ZNF609: variants seen among roughly 807,000 people sequenced by gnomAD.
ZNF609 encodes zinc finger protein 609.
Under a neutral mutation model 109.5 loss-of-function variants are expected in ZNF609, and 11 were observed. The observed-to-expected ratio is 0.10, with a 90% CI of 0.06 to 0.17. The LOEUF (loss-of-function observed/expected upper bound fraction) is 0.17. Ranked by LOEUF, ZNF609 falls within the 10% of genes least tolerant of loss-of-function variation. ZNF609 has a pLI of 1.00. For missense variants in ZNF609, 1,559 were observed against 1,772.4 expected, an observed-to-expected ratio of 0.88 and a Z score of 2.16; for synonymous variants, 646 against 662.0, an observed-to-expected ratio of 0.98 and a Z score of 0.37.
At chr15:64,487,007 T>C (rs1353450551) in intron 1 of ZNF609, among the ~76,000 whole-genome samples, 1 of 152,244 alleles carries the variant, frequency 6.6e-6, no homozygotes, top group Non-Finnish European at 1.5e-5. Context: ...TCGATATTCA[T>C]TATTTATTGT....
At chr15:64,494,113 T>C (rs1303996190) in intron 1 of ZNF609, among the ~76,000 whole-genome samples, 1 of 152,186 alleles carries the variant, frequency 6.6e-6, no homozygotes, top group Non-Finnish European at 1.5e-5. Context: ...AATAGGAATA[T>C]AGGGACTTCC....
intron 2 of ZNF609, among the ~76,000 whole-genome samples, chr15:64,547,745 A>G (rs1051267821): frequency 3.3e-5 from 5 of 152,168 alleles, no homozygotes; most frequent in African/African-American, 1.2e-4. Flanking sequence ...ACAAAACAGT[A>G]AAACAAATAA....
At chr15:64,592,347 C>T (rs1319801055) in intron 2 of ZNF609, among the ~76,000 whole-genome samples, 1 of 152,112 alleles carries the variant, frequency 6.6e-6, no homozygotes, top group Admixed American at 6.5e-5. Flanking sequence ...GAGGCCAAGG[C>T]AGTTGGATCA....
At chr15:64,534,575 A>C (rs751594446) in intron 2 of ZNF609, among the ~76,000 whole-genome samples, 1 of 150,944 alleles carries the variant, frequency 6.6e-6, no homozygotes, top group African/African-American at 2.4e-5. Flanking sequence ...TTGGCCTCCC[A>C]AAGTGCTGGG....
intron 2 of ZNF609, among the ~76,000 whole-genome samples, chr15:64,557,623 G>T (rs1264930692): frequency 6.6e-6 from 1 of 152,156 alleles, no homozygotes; most frequent in Admixed American, 6.5e-5. Context: ...AAGACTTTTT[G>T]ATCAGGGTAG....
chr15:64,550,621 C>T (rs996842311), intron 2 of ZNF609, among the ~76,000 whole-genome samples: 1 of 151,754 alleles, frequency 6.6e-6, no homozygotes, highest in South Asian at 2.1e-4. Context: ...CCAAGGTGGG[C>T]GGATCACCTG....
intron 3 of ZNF609, among the ~76,000 whole-genome samples, chr15:64,653,235 G>C (rs543950460): frequency 6.6e-6 from 1 of 152,286 alleles, no homozygotes; most frequent in African/African-American, 2.4e-5. Context: ...GACAGATTAG[G>C]ATATTCATTA....
At chr15:64,491,988 T>C (rs1191125783) in intron 1 of ZNF609, among the ~76,000 whole-genome samples, 2 of 152,166 alleles carry the variant, frequency 1.3e-5, no homozygotes, top group Admixed American at 1.3e-4. Context: ...ATGCCTGTAA[T>C]CCTAGCACTT....
chr15:64,488,681 G>C (rs563450967), intron 1 of ZNF609, among the ~76,000 whole-genome samples: 1 of 152,072 alleles, frequency 6.6e-6, no homozygotes, highest in African/African-American at 2.4e-5. Flanking sequence ...AATAGATCTG[G>C]GAAGGGAGAG....
In ZNF609 at chr15:64,543,543, A is replaced by G. The variant is rs114330488; in HGVS notation, c.747+43377A>G. 3.1e-3 allele frequency among the ~76,000 whole-genome samples: 477 copies of G among 151,472 alleles called. 1 individual carries two copies. The highest frequency in any genetic ancestry group is 0.011 in the African/African-American group (457 of 41,318). On this transcript the variant is annotated intron_variant, in intron 2 of 9. Coordinates refer to ENST00000326648, the MANE Select transcript of ZNF609 (RefSeq NM_015042.2). The stretch of plus-strand genomic sequence containing the variant: ...ACTGCAACCTCCACCTCTGGGTTCA[A>G]ACGTTTCTCCTGCTTCAGCCTCCTG...
At chr15:64,500,191 C>T (rs1357133167) in intron 2 of ZNF609, 25 bp downstream of exon 2, 2 of 1,608,024 alleles carry the variant, frequency 1.2e-6, no homozygotes, top group Admixed American at 1.7e-5. Flanking sequence ...GATATGGCTG[C>T]CCACTGACTG....
intron 2 of ZNF609, among the ~76,000 whole-genome samples, chr15:64,617,173 G>T (rs1308570247): frequency 2.0e-5 from 3 of 151,820 alleles, no homozygotes; most frequent in Non-Finnish European, 4.4e-5. Context: ...GGGAGACTTT[G>T]TCTCTACAAA....
chr15:64,585,241 C>T (rs1394775072), intron 2 of ZNF609, among the ~76,000 whole-genome samples: 3 of 152,032 alleles, frequency 2.0e-5, no homozygotes, highest in Non-Finnish European at 4.4e-5. Context: ...ACAAGAATCA[C>T]TTGAACCTGA....
At chr15:64,616,837 T>TTTTTTTTC (rs1895806740) in intron 2 of ZNF609, among the ~76,000 whole-genome samples, 1 of 127,812 alleles carries the variant, frequency 7.8e-6, no homozygotes, top group African/African-American at 3.1e-5. Flanking sequence ...TTTTTTTTTT[T>TTTTTTTTC]GCACTCTGTC....
intron 3 of ZNF609, among the ~76,000 whole-genome samples, chr15:64,644,872 T>A (rs936315883): frequency 6.6e-6 from 1 of 152,246 alleles, no homozygotes; most frequent in Non-Finnish European, 1.5e-5. Context: ...AAACAGACTT[T>A]GTTAGCTACC....
At chr15:64,605,187 C>T (rs949173107) in intron 2 of ZNF609, among the ~76,000 whole-genome samples, 29 of 152,104 alleles carry the variant, frequency 1.9e-4, no homozygotes, top group Admixed American at 1.3e-4. Context: ...AATGGCCTCT[C>T]GCAGCTTCAG....
At chr15:64,636,170 A>G (rs886659088) in intron 3 of ZNF609, among the ~76,000 whole-genome samples, 1 of 152,168 alleles carries the variant, frequency 6.6e-6, no homozygotes, top group Non-Finnish European at 1.5e-5. Context: ...TCAAAGGGGT[A>G]GGGGTTAGGA....
Position 64,619,080 on chromosome 15 carries a change from C to T in ZNF609, c.748-3747C>T, listed in dbSNP as rs577889727. ...GACCACGTTCTCTACCCAGCACACC[C>T]GTGTCACTCCTACCTCAGCGTCCCA... On this transcript the variant is annotated intron_variant, in intron 2 of 9. Transcript: ENST00000326648. Among the ~76,000 whole-genome samples, 7 of 152,308 alleles carry T rather than the reference C, an allele frequency of 4.6e-5. No homozygotes were observed. In the South Asian group the frequency reaches 6.2e-4, roughly 14 times the overall value.
chr15:64,543,255 C>CT lies in ZNF609; in HGVS notation c.747+43108dup, dbSNP rs77646116. 8.4e-3 allele frequency among the ~76,000 whole-genome samples: 956 copies of CT among 113,268 alleles called. 12 individuals are homozygous for CT. The highest frequency in any genetic ancestry group is 0.018 in the East Asian group (72 of 4,082). 74.3% of individuals were successfully genotyped at this position (113,268 alleles called of 152,430 possible). A position where few individuals can be genotyped will look rare whatever the true frequency, so the allele number is the denominator to read the frequency against. ...CATCCCAGTCTGTTTTTTGTTGTTGCTTTTTTTTTTTTTTTTTTTCTAATT... is the reference window on the plus strand; with the variant it reads ...CATCCCAGTCTGTTTTTTGTTGTTGCTTTTTTTTTTTTTTTTTTTTCTAATT... On this transcript the variant is annotated intron_variant, in intron 2 of 9. Coordinates refer to ENST00000326648, the MANE Select transcript of ZNF609 (RefSeq NM_015042.2).
Sources: allele counts gnomAD v4.1 joint callset (sites outside exome capture counted in the v4.1 genomes callset), GRCh38; gene constraint gnomAD v4.1.1; transcripts MANE v1.5; gene names NCBI Gene and HGNC (gene_info 2026-07-23, HGNC 2026-07-21).